Variants in ZNF347 observed in about 807,000 individuals in gnomAD.
ZNF347 encodes the protein zinc finger protein 347.
Under a neutral mutation model 12.9 loss-of-function variants are expected in ZNF347, and 19 were observed. That is an observed-to-expected ratio of 1.47 (90% CI 1.03 to 2.16). ZNF347 has a LOEUF of 2.16. ZNF347 is among the 30% of genes most tolerant of loss of function. The pLI, the probability that ZNF347 is intolerant of heterozygous loss-of-function variation, is 0.00. For synonymous variants in ZNF347, 328 were observed against 340.6 expected (o/e 0.96, Z 0.41); for missense variants, 1,005 against 990.6 (o/e 1.01, Z -0.19).
At chr19:53,154,984 C>A (rs1402505097) in intron 1 of ZNF347, among the ~76,000 whole-genome samples, 1 of 151,556 alleles carries the variant, frequency 6.6e-6, no homozygotes, top group Non-Finnish European at 1.5e-5. Flanking sequence ...GTCACCCAGG[C>A]TGGAGTGCAA....
intron 1 of ZNF347, among the ~76,000 whole-genome samples, chr19:53,155,798 C>T (rs1056263421): frequency 5.9e-5 from 9 of 152,140 alleles, no homozygotes; most frequent in Non-Finnish European, 1.3e-4. Context: ...ACATGGTACA[C>T]AATTGCAGGG....
At chr19:53,150,781 C>G (rs1012304757) in intron 2 of ZNF347, among the ~76,000 whole-genome samples, 2 of 152,102 alleles carry the variant, frequency 1.3e-5, no homozygotes, top group African/African-American at 4.8e-5. Flanking sequence ...GCTCTATCAC[C>G]CAGGCTGGAG....
chr19:53,144,015 T>C (rs1008517287), intron 4 of ZNF347, among the ~76,000 whole-genome samples: 14 of 152,356 alleles, frequency 9.2e-5, no homozygotes, highest in African/African-American at 2.4e-4. Flanking sequence ...AATTAAAACA[T>C]ACTGCCGTTT....
intron 2 of ZNF347, among the ~76,000 whole-genome samples, chr19:53,152,513 G>A (rs1276467985): frequency 3.2e-4 from 49 of 151,606 alleles, no homozygotes; most frequent in Non-Finnish European, 7.4e-5. Context: ...AGGCTAAGGC[G>A]AAAGAATTGC....
chr19:53,148,818 G>A lies in ZNF347; in HGVS notation c.143-9C>T. 6.2e-7 allele frequency: 1 copy of A among 1,611,648 alleles called. No individual in the cohort carries two copies. Among genetic ancestry groups the A allele is most frequent in the Non-Finnish European group, 8.5e-7 (1 of 1,178,910 alleles). On this transcript the variant is annotated splice_polypyrimidine_tract_variant and intron_variant, in intron 3 of 4. Coordinates refer to ENST00000334197, the MANE Select transcript of ZNF347 (RefSeq NM_032584.3). ...GTCAAAACAAGAGATTCCTGCTTAT[G>A]AAAAGAAAGGAAAACAATGGGCTGT...
At chr19:53,143,661 C>T (rs1336339013) in intron 4 of ZNF347, among the ~76,000 whole-genome samples, 7 of 151,708 alleles carry the variant, frequency 4.6e-5, no homozygotes, top group African/African-American at 1.2e-4. Flanking sequence ...AAGTCTTTGC[C>T]ATTGTGAATA....
chr19:53,158,011 G>A (rs2090546545), intron 1 of ZNF347, among the ~76,000 whole-genome samples: 2 of 152,126 alleles, frequency 1.3e-5, no homozygotes, highest in South Asian at 4.1e-4. Flanking sequence ...TTTCCTCTCA[G>A]TTTTTCTACT....
In ZNF347 at chr19:53,137,520, A is replaced by G. The variant is rs1343810303; in HGVS notation, c.*2788T>C. 6.6e-6 allele frequency: 1 copy of G among 152,184 alleles called. No individual in the cohort carries two copies. Among genetic ancestry groups the G allele is most frequent in the East Asian group, 1.9e-4 (1 of 5,186 alleles). 9.4% of individuals were successfully genotyped at this position (152,184 alleles called of 1,614,324 possible). On this transcript the variant is annotated 3_prime_UTR_variant, in exon 5 of 5. Transcript: ENST00000334197. ...CTTCTCACAGAAAGCCTCATTATGC[A>G]ATACACATTTCCCTAAAACTTCATT...
At chr19:53,144,026 T>C (rs900285671) in intron 4 of ZNF347, among the ~76,000 whole-genome samples, 3 of 152,220 alleles carry the variant, frequency 2.0e-5, no homozygotes, top group Non-Finnish European at 4.4e-5. Context: ...ACTGCCGTTT[T>C]GTTACTTCTT....
At position 53,136,723 on chromosome 19, in the gene ZNF347, T is replaced by G. The variant is rs1051186752; in HGVS notation, c.*3585A>C. The G allele has an allele frequency of 6.6e-6, 1 of 152,218 alleles. No homozygotes were observed. Among genetic ancestry groups the G allele is most frequent in the African/African-American group, 2.4e-5 (1 of 41,458 alleles). 9.4% of individuals were successfully genotyped at this position (152,218 alleles called of 1,614,324 possible). The stretch of plus-strand genomic sequence containing the variant: ...TTATGTAATAAACTTTTCCACAAAT[T>G]CATTTGCATTGAACTACTGTAAAAA... On this transcript the variant is annotated 3_prime_UTR_variant, in exon 5 of 5. Coordinates refer to ENST00000334197, the MANE Select transcript of ZNF347 (RefSeq NM_032584.3).
At chr19:53,153,394 G>C (rs1233159793) in intron 2 of ZNF347, among the ~76,000 whole-genome samples, 1 of 152,168 alleles carries the variant, frequency 6.6e-6, no homozygotes, top group Non-Finnish European at 1.5e-5. Flanking sequence ...CTCTAATCCT[G>C]CTCCACAGAG....
chr19:53,152,517 G>T (rs1371557224), intron 2 of ZNF347, among the ~76,000 whole-genome samples: 1 of 152,100 alleles, frequency 6.6e-6, no homozygotes, highest in East Asian at 1.9e-4. Context: ...TAAGGCGAAA[G>T]AATTGCTTGA....
At position 53,142,110 on chromosome 19, in the gene ZNF347, T is replaced by C. The variant is rs2090432774; in HGVS notation, c.718A>G (p.Lys240Glu). Residue 240 changes from lysine (K) to glutamate (E), a missense_variant, in exon 5 of 5, where the codon AAA becomes GAA. Coordinates refer to ENST00000334197, the MANE Select transcript of ZNF347 (RefSeq NM_032584.3). Reference protein sequence around the residue: ...VKTHISKKYLKDFISSLLLTQ... With the variant: ...VKTHISKKYLEDFISSLLLTQ... Reference sequence around the variant, plus strand: ...AGTAATAAAGAAGAGATAAAATCTTTGAGATATTTCTTAGAAATGTGGGTT... The same window carrying C: ...AGTAATAAAGAAGAGATAAAATCTTCGAGATATTTCTTAGAAATGTGGGTT... The C allele has an allele frequency of 1.9e-6, 3 of 1,612,824 alleles. No individual in the cohort carries two copies. In the East Asian group the frequency reaches 6.7e-5, roughly 36 times the overall value.
chr19:53,154,467 G>A (rs2090519277), intron 1 of ZNF347, among the ~76,000 whole-genome samples: 1 of 152,142 alleles, frequency 6.6e-6, no homozygotes, highest in South Asian at 2.1e-4. Flanking sequence ...AAAGCCATGA[G>A]CTGAGTTGAT....
chr19:53,142,567 T>C lies in ZNF347; in HGVS notation c.272-11A>G. Reference sequence around the variant, plus strand: ...ATTCGGAAGAGAGAGCTACAAGATATAAAGATCCATAGGTTTCCAATTAAT... The same window carrying C: ...ATTCGGAAGAGAGAGCTACAAGATACAAAGATCCATAGGTTTCCAATTAAT... On this transcript the variant is annotated splice_polypyrimidine_tract_variant and intron_variant, in intron 4 of 4. Coordinates refer to ENST00000334197, the MANE Select transcript of ZNF347 (RefSeq NM_032584.3). The C allele has an allele frequency of 1.3e-6, 2 of 1,540,360 alleles. No homozygotes were observed. Among genetic ancestry groups the C allele is most frequent in the Non-Finnish European group, 1.7e-6 (2 of 1,145,670 alleles).
intron 4 of ZNF347, among the ~76,000 whole-genome samples, chr19:53,145,304 A>AG (rs1326921409): frequency 5.3e-5 from 8 of 151,344 alleles, no homozygotes; most frequent in Admixed American, 1.3e-4. Context: ...AAAAAAAAAA[A>AG]AAGAAGATAC....
chr19:53,150,823 T>G (rs1275360887), intron 2 of ZNF347, among the ~76,000 whole-genome samples: 2 of 152,200 alleles, frequency 1.3e-5, no homozygotes, highest in African/African-American at 2.4e-5. Context: ...CACTGCAACC[T>G]CTGCCTCCTG....
At position 53,142,086 on chromosome 19, in the gene ZNF347, G is replaced by A. The variant is rs144450774; in HGVS notation, c.742C>T (p.Leu248Phe). The A allele has an allele frequency of 7.5e-5, 121 of 1,612,738 alleles. 1 individual carries two copies. Among genetic ancestry groups the A allele is most frequent in the Non-Finnish European group, 9.8e-5 (116 of 1,179,708 alleles). The change falls in exon 5 of 5, where the codon CTC (leucine) becomes TTC (phenylalanine). Residue 248 changes from leucine to phenylalanine, a missense_variant. Leu to Phe is a conservative substitution (Grantham distance 22, BLOSUM62 0). Transcript: ENST00000334197. Reference sequence around the variant, plus strand: ...TTATTTGCTTTTTGCCCCTGTGTGAGTAATAAAGAAGAGATAAAATCTTTG... The same window carrying A: ...TTATTTGCTTTTTGCCCCTGTGTGAATAATAAAGAAGAGATAAAATCTTTG... ...YLKDFISSLL[L>F]TQGQKANNWG...
chr19:53,152,433 C>T (rs2090504729), intron 2 of ZNF347, among the ~76,000 whole-genome samples: 1 of 151,618 alleles, frequency 6.6e-6, no homozygotes, highest in South Asian at 2.1e-4. Flanking sequence ...ATGGTGAAAC[C>T]TTGTCTCTAC....
Sources: gnomAD v4.1 joint callset for allele counts (sites outside exome capture counted in the v4.1 genomes callset) on GRCh38, gnomAD v4.1.1 for gene constraint, MANE v1.5 for transcripts, NCBI Gene and HGNC (gene_info 2026-07-23, HGNC 2026-07-21) for gene names.